Variants in ACOX1 observed in about 807,000 individuals in gnomAD.
ACOX1 encodes the protein peroxisomal acyl-coenzyme A oxidase 1.
A neutral mutation model predicts 75.5 loss-of-function variants in ACOX1; 41 were observed. That is an observed-to-expected ratio of 0.54 (90% CI 0.42 to 0.70). The LOEUF (loss-of-function observed/expected upper bound fraction) is 0.70. ACOX1 is among the 30% of genes least tolerant of loss of function. The pLI is 0.00. For missense variants in ACOX1, 630 were observed against 837.5 expected (o/e 0.75, Z 3.06); for synonymous variants, 303 against 298.8 (o/e 1.01, Z -0.15).
Position 75,955,679 on chromosome 17 carries a change from T to C in ACOX1, c.661A>G (p.Ile221Val). 4 of 1,613,810 alleles carry C rather than the reference T, an allele frequency of 2.5e-6. No homozygotes were observed. Among genetic ancestry groups the C allele is most frequent in the Non-Finnish European group, 3.4e-6 (4 of 1,179,682 alleles). Residue 221 changes from isoleucine (I) to valine (V), a missense_variant and splice_region_variant, in exon 6 of 14, where the codon ATT becomes GTT. Ile to Val is a conservative substitution (Grantham distance 29, BLOSUM62 3). This residue lies in a region of ACOX1 where 390 missense variants were observed against 574.9 expected (regional missense o/e 0.68). Transcript: ENST00000293217. ...TTGGGGCCGATGTCACCAACGGTAA[T>C]TCCTACCACAGATGAAAGGACAGTC... ...EIGTHKPLPG[I>V]TVGDIGPKFG... is the part of the protein sequence containing the mutation.
In ACOX1 at chr17:75,946,579, T is replaced by G; in HGVS notation, c.*169A>C. The G allele has an allele frequency of 1.5e-6, 1 of 660,760 alleles. No individual in the cohort carries two copies. Among genetic ancestry groups the G allele is most frequent in the Non-Finnish European group, 2.7e-6 (1 of 367,830 alleles). 40.9% of individuals were successfully genotyped at this position (660,760 alleles called of 1,614,324 possible). On this transcript the variant is annotated 3_prime_UTR_variant, in exon 14 of 14. Transcript: ENST00000293217. ...CAGTGTTAATTGCACTTAAAACATC[T>G]GCTTTTTTTCATTTAATCTCTGAAA...
chr17:75,960,099 C>A lies in ACOX1; in HGVS notation c.430+116G>T. ...AAACCTGGACTCTGCAGAAAGAGCT[C>A]ATTTAAACAGACCATAGAACATCGA... On this transcript the variant is annotated intron_variant, in intron 3 of 13. Coordinates refer to ENST00000293217, the MANE Select transcript of ACOX1 (RefSeq NM_004035.7). The surrounding 1 kb of genome is among the most constrained non-coding windows in gnomAD (Gnocchi z 4.4). 7.6e-7 allele frequency: 1 copy of A among 1,321,638 alleles called. No homozygotes were observed. The highest frequency in any genetic ancestry group is 1.1e-6 in the Non-Finnish European group (1 of 938,850). 81.9% of individuals were successfully genotyped at this position (1,321,638 alleles called of 1,614,324 possible).
intron 2 of ACOX1, among the ~76,000 whole-genome samples, chr17:75,967,677 T>A (rs1162455277): frequency 7.3e-6 from 1 of 137,746 alleles, no homozygotes; most frequent in African/African-American, 2.8e-5. Flanking sequence ...TATACATATA[T>A]ATACGTATAT....
intron 6 of ACOX1, among the ~76,000 whole-genome samples, chr17:75,955,325 G>A (rs1203103173): frequency 1.3e-5 from 2 of 152,010 alleles, no homozygotes; most frequent in Admixed American, 6.6e-5. Flanking sequence ...ACCATACCCA[G>A]CTAGATTTTT....
At chr17:75,973,724 A>G (rs2066018181) in intron 2 of ACOX1, 2 of 1,614,158 alleles carry the variant, frequency 1.2e-6, no homozygotes, top group Non-Finnish European at 1.7e-6. Flanking sequence ...TGATTCAGCA[A>G]GGTAGGAATA....
chr17:75,959,624 T>C (rs1351851263), intron 3 of ACOX1, among the ~76,000 whole-genome samples: 3 of 152,092 alleles, frequency 2.0e-5, no homozygotes, highest in Non-Finnish European at 2.9e-5. Context: ...GAAAGATCAA[T>C]GAAAGGTGGA....
At position 75,950,048 on chromosome 17, in the gene ACOX1, A is replaced by G. The variant is rs1380048328; in HGVS notation, c.1299-151T>C. 1 of 839,378 alleles carries G rather than the reference A, an allele frequency of 1.2e-6. No homozygotes were observed. The highest frequency in any genetic ancestry group is 1.9e-6 in the Non-Finnish European group (1 of 517,314). The allele number at this position is 839,378 out of a possible 1,614,324, so 52.0% of individuals were successfully genotyped here. On this transcript the variant is annotated intron_variant, in intron 9 of 13. Transcript: ENST00000293217. The surrounding 1 kb of genome is among the most constrained non-coding windows in gnomAD (Gnocchi z 4.3). ...TCCTCCTCTTGGGTTCAAATGAATG[A>G]TTCTCCTGCCTCAGCCTCCCAAGTA...
chr17:75,951,821 T>C (rs2065777175), intron 7 of ACOX1, among the ~76,000 whole-genome samples: 1 of 143,830 alleles, frequency 7.0e-6, no homozygotes, highest in Non-Finnish European at 1.5e-5. Context: ...TTTTTTTTTT[T>C]TTTTTTTTTT....
At chr17:75,951,697 G>T in intron 7 of ACOX1, 120 bp from the exon 8 acceptor site, 1 of 972,706 alleles carries the variant, frequency 1.0e-6, no homozygotes, top group Non-Finnish European at 1.6e-6. Flanking sequence ...TAAGGGCACT[G>T]TGAGGTAGTT....
At position 75,948,346 on chromosome 17, in the gene ACOX1, C is replaced by T. The variant is rs754088955; in HGVS notation, c.1840G>A (p.Asp614Asn). Residue 614 changes from aspartate (D) to asparagine (N), a missense_variant, in exon 13 of 14, where the codon GAT becomes AAT. By Grantham distance (23) the Asp-to-Asn change is conservative (BLOSUM62 1). Around this residue, in one of 2 missense-constraint regions of ACOX1, gnomAD observed 240 missense variants for 262.7 expected, o/e 0.91. Coordinates refer to ENST00000293217, the MANE Select transcript of ACOX1 (RefSeq NM_004035.7). The part of the protein sequence containing the change: ...VALVDAFDFQ[D>N]VTLGSVLGRY... ...CCAAGCACAGAGCCAAGTGTCACAT[C>T]CTGAAAATCAAATGCATCAACCAAA... The T allele has an allele frequency of 6.2e-7, 1 of 1,614,140 alleles. No homozygotes were observed. Among genetic ancestry groups the T allele is most frequent in the South Asian group, 1.1e-5 (1 of 91,086 alleles).
rs561109793 is a variant in ACOX1 at position 75,978,349 on chromosome 17, T to C, written c.269+185A>G. 6.0e-6 allele frequency: 4 copies of C among 664,880 alleles called. No homozygotes were observed. Among genetic ancestry groups the C allele is most frequent in the Non-Finnish European group, 1.0e-5 (4 of 387,346 alleles). 41.2% of individuals were successfully genotyped at this position (664,880 alleles called of 1,614,324 possible). A position where few individuals can be genotyped will look rare whatever the true frequency, so the allele number is the denominator to read the frequency against. ...ACTTGGTGATCCGCCCGCCTCGGCC[T>C]CCCAAAGTGCTGGGATTACAGGCGT... On this transcript the variant is annotated intron_variant, in intron 2 of 13. Coordinates refer to ENST00000293217, the MANE Select transcript of ACOX1 (RefSeq NM_004035.7). This position sits in a 1 kb window ranked among gnomAD's most constrained non-coding sequence, Gnocchi z 4.2.
Position 75,950,747 on chromosome 17 carries a change from G to A in ACOX1, c.1298+27C>T. 2 of 1,607,280 alleles carry A rather than the reference G, an allele frequency of 1.2e-6. No individual in the cohort carries two copies. Among genetic ancestry groups the A allele is most frequent in the Admixed American group, 1.7e-5 (1 of 60,000 alleles). On this transcript the variant is annotated intron_variant, in intron 9 of 13. Transcript: ENST00000293217. This position sits in a 1 kb window ranked among gnomAD's most constrained non-coding sequence, Gnocchi z 4.3. ...GACTAGAACATTCTTATGAACAGAT[G>A]GGAGGAATCGAGGATTTGACTCTCA...
chr17:75,975,526 C>A (rs1281253331), intron 2 of ACOX1, among the ~76,000 whole-genome samples: 1 of 152,214 alleles, frequency 6.6e-6, no homozygotes, highest in Non-Finnish European at 1.5e-5. Context: ...AACATGGATG[C>A]TCTTAGATAC....
rs200759039 is a variant in ACOX1, at chr17:75,949,352, G to C, written c.1593C>G (p.Cys531Trp). 6.2e-7 allele frequency: 1 copy of C among 1,614,126 alleles called. No individual in the cohort carries two copies. Among genetic ancestry groups the C allele is most frequent in the Non-Finnish European group, 8.5e-7 (1 of 1,180,032 alleles). Reference sequence around the variant, plus strand: ...AAAAGAGCTTAACTACCACATAGTGGCAATGTGCCTAAGATTAAAAAGAAA... The same window carrying C: ...AAAAGAGCTTAACTACCACATAGTGCCAATGTGCCTAAGATTAAAAAGAAA... ...VDLVRASEAH[C>W]HYVVVKLFSE... Residue 531 changes from cysteine to tryptophan, a missense_variant, in exon 12 of 14, where the codon TGC becomes TGG. Coordinates refer to ENST00000293217, the MANE Select transcript of ACOX1 (RefSeq NM_004035.7).
chr17:75,969,491 A>C (rs188364450), intron 2 of ACOX1, among the ~76,000 whole-genome samples: 2 of 152,244 alleles, frequency 1.3e-5, no homozygotes, highest in African/African-American at 4.8e-5. Context: ...TAAAGTTTAT[A>C]TTATTATCAC....
Position 75,960,988 on chromosome 17 carries a change from AAAT to A in ACOX1, c.270-616_270-614del, listed in dbSNP as rs1430230077. On this transcript the variant is annotated intron_variant, in intron 2 of 13. Coordinates refer to ENST00000293217, the MANE Select transcript of ACOX1 (RefSeq NM_004035.7). The surrounding 1 kb of genome is among the most constrained non-coding windows in gnomAD (Gnocchi z 4.4). ...AGTGAGACTCTGTCTCAAAAAAAAT[AAAT>A]AAATAAATAAGAGAGAATTGGCCAG... Among the ~76,000 whole-genome samples the A allele has an allele frequency of 8.6e-5, 13 of 151,642 alleles. No individual in the cohort carries two copies. Among genetic ancestry groups the A allele is most frequent in the African/African-American group, 2.9e-4 (12 of 41,270 alleles).
chr17:75,974,850 T>C (rs2066030256), intron 2 of ACOX1, among the ~76,000 whole-genome samples: 1 of 151,014 alleles, frequency 6.6e-6, no homozygotes, highest in Non-Finnish European at 1.5e-5. Flanking sequence ...ATCGAGACCA[T>C]CCTGGCTAAC....
chr17:75,955,510 A>G, intron 6 of ACOX1, 56 bp downstream of exon 6: 4 of 1,393,282 alleles, frequency 2.9e-6, no homozygotes, highest in Non-Finnish European at 4.1e-6. Context: ...ATTGTGAGTA[A>G]CAGCCACTCA....
At position 75,978,735 on chromosome 17, in the gene ACOX1, C is replaced by T. The variant is rs774694032; in HGVS notation, c.110-42G>A. 6.2e-7 allele frequency: 1 copy of T among 1,612,476 alleles called. No homozygotes were observed. Among genetic ancestry groups the T allele is most frequent in the Non-Finnish European group, 8.5e-7 (1 of 1,179,992 alleles). The stretch of plus-strand genomic sequence containing the variant: ...GGGCATTAAAAGGCAGACAGACACT[C>T]GGGCCTCCGTTCCACCCTCCCTGAA... On this transcript the variant is annotated intron_variant, in intron 1 of 13. Coordinates refer to ENST00000293217, the MANE Select transcript of ACOX1 (RefSeq NM_004035.7). This position sits in a 1 kb window ranked among gnomAD's most constrained non-coding sequence, Gnocchi z 4.2.
Sources: allele counts gnomAD v4.1 joint callset (sites outside exome capture counted in the v4.1 genomes callset), GRCh38; gene constraint gnomAD v4.1.1; regional missense constraint gnomAD v4.1.1; non-coding constraint Gnocchi (gnomAD v3.1); transcripts MANE v1.5; gene names NCBI Gene and HGNC (gene_info 2026-07-23, HGNC 2026-07-21).